Variants in STK39 observed in about 807,000 individuals in gnomAD.
STK39 encodes the protein STE20/SPS1-related proline-alanine-rich protein kinase.
STK39 carries 20 observed loss-of-function variants against 77.8 expected under a neutral mutation model. That is an observed-to-expected ratio of 0.26 (90% CI 0.18 to 0.37). The LOEUF (loss-of-function observed/expected upper bound fraction) is 0.37, where lower values mean the gene tolerates loss of function less well. Among genes scored for constraint, STK39 ranks in the 10% least tolerant of loss-of-function variants. The pLI is 1.00. For synonymous variants in STK39, 246 were observed against 234.1 expected (o/e 1.05, Z -0.47); for missense variants, 479 against 656.5 (o/e 0.73, Z 2.95).
intron 16 of STK39, among the ~76,000 whole-genome samples, chr2:167,993,433 T>G (rs954265533): frequency 2.0e-5 from 3 of 152,202 alleles, no homozygotes; most frequent in Non-Finnish European, 2.9e-5. Flanking sequence ...GTGCCTGTAA[T>G]CCCAGCACTT....
intron 1 of STK39, among the ~76,000 whole-genome samples, chr2:168,182,935 A>G (rs1280569029): frequency 1.3e-5 from 2 of 152,178 alleles, no homozygotes; most frequent in African/African-American, 4.8e-5. Flanking sequence ...GCCTGCACTC[A>G]GGATTGTGCA....
At position 168,036,379 on chromosome 2, in the gene STK39, T is replaced by C. The variant is rs562423321; in HGVS notation, c.1377-19284A>G. Among the ~76,000 whole-genome samples the C allele has an allele frequency of 4.6e-5, 7 of 152,284 alleles. No homozygotes were observed. The South Asian group carries it at 1.5e-3, about 32-fold the overall frequency. The stretch of plus-strand genomic sequence containing the variant: ...TCAGAGTCAGAAACATGTCATGATG[T>C]GCCTTTGGAGGAAAACAGGTGCCAC... On this transcript the variant is annotated intron_variant, in intron 14 of 17. Coordinates refer to ENST00000355999, the MANE Select transcript of STK39 (RefSeq NM_013233.3).
chr2:168,232,656 T>C (rs1488240898), intron 1 of STK39, among the ~76,000 whole-genome samples: 1 of 152,134 alleles, frequency 6.6e-6, no homozygotes, highest in Non-Finnish European at 1.5e-5. Flanking sequence ...CTCACTCCTG[T>C]AATCCCAGCA....
rs186686415 is a variant in STK39, at chr2:168,235,700, C to T, written c.208+11528G>A. Among the ~76,000 whole-genome samples, 456 of 147,540 alleles carry T rather than the reference C, an allele frequency of 3.1e-3. 3 individuals carry two copies. Among genetic ancestry groups the T allele is most frequent in the African/African-American group, 0.011 (428 of 40,108 alleles). ...ATTCCCACCTATGAGTGAGAACATG[C>T]GGTGTTTGATTTTTTGTCCCTGCAA... On this transcript the variant is annotated intron_variant, in intron 1 of 17. Coordinates refer to ENST00000355999, the MANE Select transcript of STK39 (RefSeq NM_013233.3).
At chr2:168,230,825 T>G (rs1690435558) in intron 1 of STK39, among the ~76,000 whole-genome samples, 1 of 152,220 alleles carries the variant, frequency 6.6e-6, no homozygotes, top group Non-Finnish European at 1.5e-5. Context: ...TCCTGCAAAT[T>G]GTAAACTTGG....
At chr2:168,092,182 C>T (rs1369679215) in intron 10 of STK39, among the ~76,000 whole-genome samples, 2 of 152,168 alleles carry the variant, frequency 1.3e-5, no homozygotes. Context: ...TCAGTGTTTT[C>T]CTATTGCTAA....
At chr2:168,086,486 G>A (rs908071094) in intron 10 of STK39, among the ~76,000 whole-genome samples, 1 of 152,128 alleles carries the variant, frequency 6.6e-6, no homozygotes. Flanking sequence ...GGAATTTAAA[G>A]CTCTACCAGT....
chr2:168,126,924 C>T (rs1687558905), intron 10 of STK39, among the ~76,000 whole-genome samples: 1 of 152,138 alleles, frequency 6.6e-6, no homozygotes, highest in Admixed American at 6.5e-5. Flanking sequence ...TTGCATTCTC[C>T]CTTCACTCCT....
At chr2:168,055,693 A>T (rs1259416323) in intron 14 of STK39, among the ~76,000 whole-genome samples, 1 of 152,260 alleles carries the variant, frequency 6.6e-6, no homozygotes, top group Admixed American at 6.5e-5. Context: ...AACAGCATCT[A>T]ATACAAAGGA....
intron 1 of STK39, among the ~76,000 whole-genome samples, chr2:168,221,259 C>A (rs1427631750): frequency 3.9e-5 from 6 of 152,166 alleles, no homozygotes; most frequent in African/African-American, 1.2e-4. Flanking sequence ...TTCGTTATTT[C>A]TCTTCCTTGT....
At chr2:168,178,941 A>C (rs985909769) in intron 2 of STK39, among the ~76,000 whole-genome samples, 14 of 152,082 alleles carry the variant, frequency 9.2e-5, no homozygotes, top group Admixed American at 5.2e-4. Flanking sequence ...GGACAAAGGG[A>C]GTGGGGACAG....
chr2:168,237,437 T>A (rs1690649555), intron 1 of STK39, among the ~76,000 whole-genome samples: 1 of 152,214 alleles, frequency 6.6e-6, no homozygotes, highest in African/African-American at 2.4e-5. Flanking sequence ...ACCCTTTATT[T>A]CCTTCTCCTG....
At chr2:168,090,839 A>C (rs1484546347) in intron 10 of STK39, among the ~76,000 whole-genome samples, 1 of 152,130 alleles carries the variant, frequency 6.6e-6, no homozygotes, top group East Asian at 1.9e-4. Context: ...AATTTATTCC[A>C]TCTGCTTAAG....
intron 8 of STK39, among the ~76,000 whole-genome samples, chr2:168,137,801 C>G (rs1687877153): frequency 6.6e-6 from 1 of 152,198 alleles, no homozygotes; most frequent in South Asian, 2.1e-4. Flanking sequence ...CTTTTGATTT[C>G]TGTTTTACTT....
Position 168,182,031 on chromosome 2 carries a change from C to T in STK39, c.268G>A (p.Ala90Thr). 6.2e-7 allele frequency: 1 copy of T among 1,614,032 alleles called. No homozygotes were observed. The highest frequency in any genetic ancestry group is 8.5e-7 in the Non-Finnish European group (1 of 1,179,928). Residue 90 changes from alanine (A) to threonine (T), a missense_variant, in exon 2 of 18, where the codon GCA (alanine) becomes ACA (threonine). Physicochemically the swap from Ala to Thr is moderately conservative, Grantham distance 58. This residue lies in a region of STK39 where 139 missense variants were observed against 280.6 expected (regional missense o/e 0.50). Transcript: ENST00000355999. Reference protein sequence around the residue: ...ALCKPRQERVAIKRINLEKCQ... With the variant: ...ALCKPRQERVTIKRINLEKCQ... The stretch of plus-strand genomic sequence containing the variant: ...TTTTCCAAGTTGATCCGTTTTATTG[C>T]TACACGTTCTTGCCTGGGTTTGCAT...
chr2:168,215,456 G>A (rs908187918), intron 1 of STK39, among the ~76,000 whole-genome samples: 3 of 152,196 alleles, frequency 2.0e-5, no homozygotes, highest in East Asian at 3.8e-4. Context: ...TACACAGGGC[G>A]TTAGCAATAA....
At chr2:168,213,360 T>A (rs1689941825) in intron 1 of STK39, among the ~76,000 whole-genome samples, 1 of 152,224 alleles carries the variant, frequency 6.6e-6, no homozygotes, top group Non-Finnish European at 1.5e-5. Context: ...AAGCACTTAG[T>A]AAATATTCAC....
At chr2:167,990,970 C>T (rs1240138677) in intron 16 of STK39, among the ~76,000 whole-genome samples, 1 of 152,170 alleles carries the variant, frequency 6.6e-6, no homozygotes, top group African/African-American at 2.4e-5. Context: ...GGCAAAGACA[C>T]ACTAGGAACC....
intron 1 of STK39, among the ~76,000 whole-genome samples, chr2:168,234,699 T>C (rs13032714): frequency 6.6e-6 from 1 of 152,226 alleles, no homozygotes; most frequent in Non-Finnish European, 1.5e-5. Flanking sequence ...GAAGACATTG[T>C]ATATTTACAT....
Sources: allele counts gnomAD v4.1 joint callset (sites outside exome capture counted in the v4.1 genomes callset), GRCh38; gene constraint gnomAD v4.1.1; regional missense constraint gnomAD v4.1.1; transcripts MANE v1.5; gene names NCBI Gene and HGNC (gene_info 2026-07-23, HGNC 2026-07-21).